The following CFAP299 variants were observed in gnomAD, a reference collection of about 807,000 sequenced individuals.
CFAP299 encodes the protein cilia- and flagella-associated protein 299.
In CFAP299, 21 loss-of-function variants were observed where a neutral mutation model predicts 27.0. The observed-to-expected ratio is 0.78, with a 90% CI of 0.55 to 1.12. The LOEUF is 1.12. Among genes scored for constraint, CFAP299 ranks in the 50% most tolerant of loss-of-function variants. The probability of loss-of-function intolerance (pLI) is 0.00; values close to 1 mark genes in which losing one functional copy is unlikely to be tolerated. For missense variants in CFAP299, 310 were observed against 276.6 expected (o/e 1.12, Z -0.86); for synonymous variants, 104 against 98.1 (o/e 1.06, Z -0.36).
chr4:80,417,474 A>G (rs1380670362), intron 2 of CFAP299, among the ~76,000 whole-genome samples: 1 of 152,052 alleles, frequency 6.6e-6, no homozygotes, highest in Non-Finnish European at 1.5e-5. Context: ...CTCTTACAAT[A>G]TCCCTGGATG....
chr4:80,761,971 A>T lies in CFAP299; in HGVS notation c.334-108022A>T, dbSNP rs141315813. On this transcript the variant is annotated intron_variant, in intron 3 of 5. Transcript: ENST00000358105. ...AAGCAGTTAATGGAGAAGAATAAAA[A>T]ATACAAAAACAGATTTCAGTGTTTA... Among the ~76,000 whole-genome samples the T allele has an allele frequency of 9.1e-3, 1,387 of 152,188 alleles. 21 individuals are homozygous for T. The highest frequency in any genetic ancestry group is 0.031 in the African/African-American group (1,276 of 41,564).
intron 3 of CFAP299, among the ~76,000 whole-genome samples, chr4:80,659,163 G>A (rs895697797): frequency 2.6e-5 from 4 of 151,814 alleles, no homozygotes; most frequent in Non-Finnish European, 5.9e-5. Flanking sequence ...TATTAATACT[G>A]GGCAGTTAAA....
At chr4:80,723,018 T>G (rs562420659) in intron 3 of CFAP299, among the ~76,000 whole-genome samples, 2 of 152,244 alleles carry the variant, frequency 1.3e-5, no homozygotes, top group South Asian at 4.1e-4. Context: ...GACTAGTCAT[T>G]AGAGAAGTGC....
chr4:80,374,703 C>T (rs1322256353), intron 2 of CFAP299, among the ~76,000 whole-genome samples: 5 of 152,052 alleles, frequency 3.3e-5, no homozygotes, highest in African/African-American at 2.4e-5. Context: ...CTGTCAAATC[C>T]TGGCTTGATC....
intron 3 of CFAP299, among the ~76,000 whole-genome samples, chr4:80,868,946 T>C (rs201813904): frequency 1.3e-5 from 2 of 150,402 alleles, no homozygotes; most frequent in East Asian, 3.9e-4. Flanking sequence ...TGTGTGTGTG[T>C]GTCCCAATAT....
At chr4:80,961,960 G>A (rs1384020473) in intron 5 of CFAP299, among the ~76,000 whole-genome samples, 1 of 151,886 alleles carries the variant, frequency 6.6e-6, no homozygotes, top group Non-Finnish European at 1.5e-5. Context: ...TATATCAATT[G>A]TAAGAGTTCC....
At chr4:80,581,251 A>G (rs1479646252) in intron 2 of CFAP299, among the ~76,000 whole-genome samples, 1 of 151,514 alleles carries the variant, frequency 6.6e-6, no homozygotes, top group African/African-American at 2.4e-5. Flanking sequence ...CAACTGACAA[A>G]ATTACTTTTC....
intron 3 of CFAP299, among the ~76,000 whole-genome samples, chr4:80,713,642 GTGCTTT>G (rs1299026170): frequency 6.6e-6 from 1 of 152,170 alleles, no homozygotes; most frequent in African/African-American, 2.4e-5. Context: ...TGTAAGTGAG[GTGCTTT>G]TATTATCCCC....
chr4:80,340,532 C>T (rs971087521), intron 1 of CFAP299, among the ~76,000 whole-genome samples: 1 of 152,200 alleles, frequency 6.6e-6, no homozygotes, highest in African/African-American at 2.4e-5. Flanking sequence ...CCCCACTTCC[C>T]TTGCACCTCA....
At chr4:80,329,688 A>AT in the CFAP299 span, among the ~76,000 whole-genome samples, 7 of 151,686 alleles carry the variant, frequency 4.6e-5, no homozygotes, top group South Asian at 2.1e-4. Flanking sequence ...AAGTCTAGTG[A>AT]TTTTTTTTCC....
chr4:80,864,520 G>C (rs7684425), intron 3 of CFAP299, among the ~76,000 whole-genome samples: 1,921 of 143,048 alleles, frequency 0.013, 31 homozygotes, highest in South Asian at 0.071. Context: ...CTATATATAC[G>C]TATATATACA....
intron 2 of CFAP299, among the ~76,000 whole-genome samples, chr4:80,418,127 A>G (rs1727106209): frequency 2.0e-5 from 3 of 152,170 alleles, no homozygotes; most frequent in Non-Finnish European, 4.4e-5. Context: ...AGCCAATTAG[A>G]AAGAGATTCT....
At chr4:80,807,579 C>A (rs1252359109) in intron 3 of CFAP299, among the ~76,000 whole-genome samples, 1 of 152,020 alleles carries the variant, frequency 6.6e-6, no homozygotes, top group East Asian at 1.9e-4. Flanking sequence ...AAAATATATT[C>A]TTAAAAGCTG....
At chr4:80,670,389 T>C (rs1187086761) in intron 3 of CFAP299, among the ~76,000 whole-genome samples, 2 of 152,216 alleles carry the variant, frequency 1.3e-5, no homozygotes, top group Non-Finnish European at 2.9e-5. Context: ...AGCCTATCAT[T>C]GATGGACATT....
chr4:80,949,955 G>A (rs1400472877), intron 5 of CFAP299, among the ~76,000 whole-genome samples: 3 of 152,116 alleles, frequency 2.0e-5, no homozygotes, highest in East Asian at 1.9e-4. Context: ...CAGAATAACA[G>A]TAACCCAGGT....
At chr4:80,916,009 C>T (rs994780070) in intron 4 of CFAP299, among the ~76,000 whole-genome samples, 5 of 151,282 alleles carry the variant, frequency 3.3e-5, no homozygotes, top group African/African-American at 1.2e-4. Context: ...CACCTGTAAT[C>T]CCAGCACTTT....
chr4:80,450,490 G>A (rs1454637767), intron 2 of CFAP299, among the ~76,000 whole-genome samples: 1 of 151,874 alleles, frequency 6.6e-6, no homozygotes, highest in Non-Finnish European at 1.5e-5. Flanking sequence ...CAAAGTACTA[G>A]GAATAAAATA....
intron 3 of CFAP299, among the ~76,000 whole-genome samples, chr4:80,684,368 A>T (rs943883860): frequency 2.0e-5 from 3 of 151,870 alleles, no homozygotes; most frequent in Non-Finnish European, 4.4e-5. Context: ...GGTTCACACC[A>T]TTCTCCTGCC....
intron 2 of CFAP299, among the ~76,000 whole-genome samples, chr4:80,487,530 T>C (rs772125297): frequency 1.3e-5 from 2 of 152,184 alleles, no homozygotes; most frequent in South Asian, 2.1e-4. Context: ...AGTTACTTCC[T>C]TGGAGTCTAG....
Sources: allele counts gnomAD v4.1 joint callset (sites outside exome capture counted in the v4.1 genomes callset), GRCh38; gene constraint gnomAD v4.1.1; transcripts MANE v1.5; gene names NCBI Gene and HGNC (gene_info 2026-07-23, HGNC 2026-07-21).